IMMP2L: variants seen among roughly 807,000 people sequenced by gnomAD.
IMMP2L encodes mitochondrial inner membrane protease subunit 2.
Under a neutral mutation model 19.3 loss-of-function variants are expected in IMMP2L, and 18 were observed. The observed-to-expected ratio is 0.93, with a 90% confidence interval of 0.64 to 1.38. The LOEUF is 1.38. Among genes scored for constraint, IMMP2L ranks in the 40% most tolerant of loss-of-function variants. The pLI, the probability that IMMP2L is intolerant of heterozygous loss-of-function variation, is 0.00. For missense variants in IMMP2L, 233 were observed against 218.2 expected, an observed-to-expected ratio of 1.07 and a Z score of -0.43; for synonymous variants, 76 against 73.0, an observed-to-expected ratio of 1.04 and a Z score of -0.21.
At position 111,382,949 on chromosome 7, in the gene IMMP2L, G is replaced by A. The variant is rs191894424; in HGVS notation, c.239+104289C>T. On this transcript the variant is annotated intron_variant, in intron 3 of 5. Transcript: ENST00000405709. ...GATTTAATATTTATAGCAAATATTC[G>A]AAAGCCAAGGACACAGATTCATCCA... is the stretch of plus-strand genomic sequence containing the variant. Among the ~76,000 whole-genome samples, 388 of 152,122 alleles carry A rather than the reference G, an allele frequency of 2.6e-3. 5 individuals carry two copies. The highest frequency in any genetic ancestry group is 8.7e-3 in the African/African-American group (362 of 41,524).
At chr7:110,771,165 C>A (rs1393324740) in intron 5 of IMMP2L, among the ~76,000 whole-genome samples, 1 of 152,048 alleles carries the variant, frequency 6.6e-6, no homozygotes, top group South Asian at 2.1e-4. Flanking sequence ...GACTTTGCAG[C>A]AGAATTATTA....
At chr7:111,079,886 A>G (rs1795746591) in intron 3 of IMMP2L, among the ~76,000 whole-genome samples, 1 of 152,168 alleles carries the variant, frequency 6.6e-6, no homozygotes, top group Non-Finnish European at 1.5e-5. Flanking sequence ...TAGCTTTATA[A>G]GAAGAGAAAG....
intron 2 of IMMP2L, among the ~76,000 whole-genome samples, chr7:111,496,321 T>C (rs1843589022): frequency 6.6e-6 from 1 of 152,184 alleles, no homozygotes; most frequent in South Asian, 2.1e-4. Flanking sequence ...AAGTTAGAAA[T>C]GGAACATTCC....
At chr7:110,954,798 T>G (rs898579545) in intron 4 of IMMP2L, among the ~76,000 whole-genome samples, 1 of 152,072 alleles carries the variant, frequency 6.6e-6, no homozygotes, top group Non-Finnish European at 1.5e-5. Flanking sequence ...ATGAACTCTA[T>G]TCACGAGAGA....
chr7:111,521,275 A>G, intron 2 of IMMP2L, 38 bp downstream of exon 2: 1 of 1,589,378 alleles, frequency 6.3e-7, no homozygotes, highest in South Asian at 1.1e-5. Flanking sequence ...AAAACAATGA[A>G]GTATGTGCTT....
chr7:111,398,197 T>A (rs957814049), intron 3 of IMMP2L, among the ~76,000 whole-genome samples: 1 of 151,958 alleles, frequency 6.6e-6, no homozygotes, highest in Non-Finnish European at 1.5e-5. Flanking sequence ...CTGACTGATA[T>A]CCTTGATCAA....
chr7:111,407,334 T>C lies in IMMP2L; in HGVS notation c.239+79904A>G, dbSNP rs144527344. ...AATCTGCCTAAGAGACATGAAAACA[T>C]ATATCTACGGAAAGAATTATAAAAG... is the stretch of plus-strand genomic sequence containing the variant. On this transcript the variant is annotated intron_variant, in intron 3 of 5. Coordinates refer to ENST00000405709, the MANE Select transcript of IMMP2L (RefSeq NM_032549.4). 4.7e-3 allele frequency among the ~76,000 whole-genome samples: 720 copies of C among 152,094 alleles called. 5 individuals carry two copies. The highest frequency in any genetic ancestry group is 0.017 in the African/African-American group (686 of 41,518).
intron 3 of IMMP2L, among the ~76,000 whole-genome samples, chr7:111,452,734 T>A (rs147652586): frequency 1.2e-3 from 186 of 152,234 alleles, no homozygotes; most frequent in African/African-American, 3.6e-3. Context: ...AGGAGCAGGT[T>A]GCTATAGCTC....
chr7:111,105,544 G>A (rs557914266), intron 3 of IMMP2L, among the ~76,000 whole-genome samples: 1 of 151,978 alleles, frequency 6.6e-6, no homozygotes, highest in African/African-American at 2.4e-5. Flanking sequence ...ATGGGTTGCT[G>A]TAGCAACTGC....
chr7:110,849,044 C>T (rs1387682209), intron 5 of IMMP2L, among the ~76,000 whole-genome samples: 3 of 151,974 alleles, frequency 2.0e-5, no homozygotes, highest in Non-Finnish European at 2.9e-5. Flanking sequence ...CAACCAAGAA[C>T]GAACTCTAAT....
At position 111,499,608 on chromosome 7, in the gene IMMP2L, T is replaced by C. The variant is rs1843952937; in HGVS notation, c.136-12267A>G. Among the ~76,000 whole-genome samples the C allele has an allele frequency of 1.3e-5, 2 of 152,098 alleles. 1 individual carries two copies. Among genetic ancestry groups the C allele is most frequent in the South Asian group, 4.2e-4 (2 of 4,818 alleles). ...AAGACAGAAAGAAGATAACCATGGA[T>C]TTTAAAAAGCAATGAAAAAAGCATA... On this transcript the variant is annotated intron_variant, in intron 2 of 5. Transcript: ENST00000405709.
intron 5 of IMMP2L, among the ~76,000 whole-genome samples, chr7:110,720,927 C>T (rs536016261): frequency 1.3e-5 from 2 of 152,216 alleles, no homozygotes; most frequent in Admixed American, 1.3e-4. Flanking sequence ...ATAGCAACTG[C>T]AGTACCAAGT....
At chr7:110,671,481 T>C (rs1397355760) in intron 5 of IMMP2L, among the ~76,000 whole-genome samples, 8 of 152,212 alleles carry the variant, frequency 5.3e-5, no homozygotes, top group Non-Finnish European at 1.2e-4. Context: ...TGGAAAGTGA[T>C]CCAGGATATC....
chr7:111,489,925 A>T (rs1224763235), intron 2 of IMMP2L, among the ~76,000 whole-genome samples: 1 of 151,960 alleles, frequency 6.6e-6, no homozygotes, highest in Admixed American at 6.6e-5. Context: ...CCTCCTGAGT[A>T]GAGCTGCGAC....
At chr7:111,416,143 A>G (rs2131559779) in intron 3 of IMMP2L, among the ~76,000 whole-genome samples, 1 of 151,958 alleles carries the variant, frequency 6.6e-6, no homozygotes, top group East Asian at 1.9e-4. Context: ...ACGCAAATAA[A>G]ATCAACAGCA....
chr7:110,706,596 C>T (rs989554961), intron 5 of IMMP2L, among the ~76,000 whole-genome samples: 4 of 152,138 alleles, frequency 2.6e-5, no homozygotes, highest in African/African-American at 9.7e-5. Context: ...GTGCATTTCT[C>T]TGATGACTGG....
At chr7:110,680,730 C>G (rs527312245) in intron 5 of IMMP2L, among the ~76,000 whole-genome samples, 94 of 152,210 alleles carry the variant, frequency 6.2e-4, no homozygotes, top group Non-Finnish European at 1.0e-3. Flanking sequence ...CAAAATGATC[C>G]AGATATTCCT....
intron 3 of IMMP2L, among the ~76,000 whole-genome samples, chr7:111,270,495 GTTATC>G (rs1440642558): frequency 3.3e-5 from 5 of 152,000 alleles, no homozygotes; most frequent in African/African-American, 4.8e-5. Flanking sequence ...TAGTCCATCA[GTTATC>G]TTATATATTT....
chr7:111,171,110 T>A (rs1806395395), intron 3 of IMMP2L, among the ~76,000 whole-genome samples: 1 of 151,710 alleles, frequency 6.6e-6, no homozygotes, highest in South Asian at 2.1e-4. Flanking sequence ...AAAATCTGTA[T>A]AAGTATAAAG....
Sources: gnomAD v4.1 joint callset for allele counts (sites outside exome capture counted in the v4.1 genomes callset) on GRCh38, gnomAD v4.1.1 for gene constraint, MANE v1.5 for transcripts, NCBI Gene and HGNC (gene_info 2026-07-23, HGNC 2026-07-21) for gene names.